INSIG1: variants seen among roughly 807,000 people sequenced by gnomAD.
INSIG1 encodes insulin-induced gene 1 protein.
INSIG1 carries 14 observed loss-of-function variants against 26.5 expected under a neutral mutation model. The ratio of observed to expected loss-of-function variants is 0.53; its 90% CI spans 0.35 to 0.83. INSIG1 has a LOEUF of 0.83. Among genes scored for constraint, INSIG1 ranks in the 40% least tolerant of loss-of-function variants. INSIG1 has a pLI of 0.01. For synonymous variants in INSIG1, 147 were observed against 153.3 expected, an observed-to-expected ratio of 0.96 and a Z score of 0.30; for missense variants, 272 against 368.9, an observed-to-expected ratio of 0.74 and a Z score of 2.15.
intron 5 of INSIG1, chr7:155,303,102 C>G (rs1356427981): frequency 2.9e-6 from 1 of 347,808 alleles, no homozygotes; most frequent in Admixed American, 4.0e-5. Context: ...CAGATGTGGT[C>G]AGTGTTCTGA....
In INSIG1 at chr7:155,302,126, T is replaced by C. The variant is rs976156261; in HGVS notation, c.538-125T>C. 6 of 686,582 alleles carry C rather than the reference T, an allele frequency of 8.7e-6. No homozygotes were observed. In the African/African-American group the frequency reaches 1.1e-4, roughly 13 times the overall value. The allele number at this position is 686,582 out of a possible 1,614,324, so 42.5% of individuals were successfully genotyped here. A position where few individuals can be genotyped will look rare whatever the true frequency, so the allele number is the denominator to read the frequency against. On this transcript the variant is annotated intron_variant, in intron 3 of 5. Coordinates refer to ENST00000340368, the MANE Select transcript of INSIG1 (RefSeq NM_005542.6). The surrounding 1 kb of genome is among the most constrained non-coding windows in gnomAD (Gnocchi z 4.3). Reference sequence around the variant, plus strand: ...ATCCTTTCTTTAGCTTATTACACAGTTTTTATGGACAGTGAATTATCTGTG... The same window carrying C: ...ATCCTTTCTTTAGCTTATTACACAGCTTTTATGGACAGTGAATTATCTGTG...
At chr7:155,298,827 T>C in intron 2 of INSIG1, 130 bp downstream of exon 2, 1 of 993,240 alleles carries the variant, frequency 1.0e-6, no homozygotes. Flanking sequence ...ATCTCCAGTC[T>C]TGGGATTTAG....
rs373395354 is a variant in INSIG1, at chr7:155,298,322, T to A, written c.37T>A (p.Cys13Ser). The change falls in exon 2 of 6, where the codon TGT becomes AGT. Residue 13 changes from cysteine (C) to serine (S), a missense_variant. Cys to Ser is a moderately radical substitution (Grantham distance 112). This residue lies in a region of INSIG1 where 161 missense variants were observed against 179.2 expected (regional missense o/e 0.90). Transcript: ENST00000340368. ...RLHDHFWSCSCAHSARRRGPP... is the reference protein window; with the variant it reads ...RLHDHFWSCSSAHSARRRGPP... Reference sequence around the variant, plus strand: ...GCACGACCACTTCTGGAGCTGCTCCTGTGCGCACAGCGCGAGGCGCCGAGG... The same window carrying A: ...GCACGACCACTTCTGGAGCTGCTCCAGTGCGCACAGCGCGAGGCGCCGAGG... The A allele has an allele frequency of 2.5e-5, 38 of 1,511,306 alleles. No homozygotes were observed. Among genetic ancestry groups the A allele is most frequent in the Non-Finnish European group, 3.2e-5 (36 of 1,138,626 alleles). 93.6% of individuals were successfully genotyped at this position (1,511,306 alleles called of 1,614,324 possible). A position where few individuals can be genotyped will look rare whatever the true frequency, so the allele number is the denominator to read the frequency against.
chr7:155,298,411 G>T lies in INSIG1; in HGVS notation c.126G>T (p.Val42=), dbSNP rs1448412739. The change falls in exon 2 of 6, where the codon GTG becomes GTT. Residue 42 remains valine (V), a synonymous_variant. Coordinates refer to ENST00000340368, the MANE Select transcript of INSIG1 (RefSeq NM_005542.6). ...TTGGGGAGATGATCAACGTTTCCGT[G>T]TCCGGGCCCTCCCTGCTGGCGGCCC... The part of the protein sequence containing the change: ...AKVGEMINVS[V]SGPSLLAAHG... 11 of 1,559,758 alleles carry T rather than the reference G, an allele frequency of 7.1e-6. No individual in the cohort carries two copies. Among genetic ancestry groups the T allele is most frequent in the Non-Finnish European group, 9.5e-6 (11 of 1,153,090 alleles).
intron 5 of INSIG1, among the ~76,000 whole-genome samples, chr7:155,307,766 T>C (rs1797974445): frequency 1.3e-5 from 2 of 152,230 alleles, no homozygotes; most frequent in South Asian, 4.1e-4. Flanking sequence ...CATCAGATAC[T>C]AATAAAGGTT....
chr7:155,303,351 G>C (rs1797841866), intron 5 of INSIG1, among the ~76,000 whole-genome samples: 1 of 152,248 alleles, frequency 6.6e-6, no homozygotes, highest in Admixed American at 6.5e-5. Flanking sequence ...GGCCAGGGCA[G>C]GGACTAATGT....
In INSIG1 at chr7:155,308,892, C is replaced by T. The variant is rs1298029808; in HGVS notation, c.*622C>T. 1 of 152,708 alleles carries T rather than the reference C, an allele frequency of 6.5e-6. No homozygotes were observed. The highest frequency in any genetic ancestry group is 1.5e-5 in the Non-Finnish European group (1 of 68,080). The allele number at this position is 152,708 out of a possible 1,614,324, so 9.5% of individuals were successfully genotyped here. ...CGTGTGTGTATCACCAGTGGGTCAA[C>T]TGCTTGTCATTCCTCCCGTGGCAGT... is the stretch of plus-strand genomic sequence containing the variant. On this transcript the variant is annotated 3_prime_UTR_variant, in exon 6 of 6. Coordinates refer to ENST00000340368, the MANE Select transcript of INSIG1 (RefSeq NM_005542.6).
At chr7:155,300,670 A>G (rs1388225259) in intron 2 of INSIG1, among the ~76,000 whole-genome samples, 1 of 152,120 alleles carries the variant, frequency 6.6e-6, no homozygotes, top group Non-Finnish European at 1.5e-5. Flanking sequence ...TTGGAATGCC[A>G]TTCCTTCCCA....
chr7:155,308,082 C>G (rs146574081), intron 5 of INSIG1, among the ~76,000 whole-genome samples, 159 bp from the exon 6 acceptor site: 148 of 152,288 alleles, frequency 9.7e-4, no homozygotes, highest in African/African-American at 3.5e-3. Flanking sequence ...TGGCCTCGGT[C>G]TCCAGTTCTC....
Position 155,298,533 on chromosome 7 carries a change from G to A in INSIG1, c.248G>A (p.Arg83His), listed in dbSNP as rs755231844. ...CCCTACCCCAACACCTGGCATCATC[G>A]CCTGTTGCAGAGGAGCCTCGTGCTC... is the stretch of plus-strand genomic sequence containing the variant. The part of the protein sequence containing the change: ...GSPYPNTWHH[R>H]LLQRSLVLFS... The change falls in exon 2 of 6, where the codon CGC (arginine) becomes CAC (histidine). Residue 83 changes from arginine (R) to histidine (H), a missense_variant. By Grantham distance (29) the Arg-to-His change is conservative (BLOSUM62 0). Around this residue, in one of 2 missense-constraint regions of INSIG1, gnomAD observed 161 missense variants for 179.2 expected, o/e 0.90. Coordinates refer to ENST00000340368, the MANE Select transcript of INSIG1 (RefSeq NM_005542.6). 21 of 1,601,300 alleles carry A rather than the reference G, an allele frequency of 1.3e-5. No individual in the cohort carries two copies. The highest frequency in any genetic ancestry group is 1.6e-5 in the Non-Finnish European group (19 of 1,174,004).
At chr7:155,301,803 G>A in intron 3 of INSIG1, 113 bp downstream of exon 3, 1 of 982,528 alleles carries the variant, frequency 1.0e-6, no homozygotes, top group Non-Finnish European at 1.4e-6. Flanking sequence ...ACATGATGGT[G>A]GTACCTACCC....
At chr7:155,298,866 G>T (rs896165801) in intron 2 of INSIG1, among the ~76,000 whole-genome samples, 169 bp downstream of exon 2, 1 of 152,256 alleles carries the variant, frequency 6.6e-6, no homozygotes, top group Non-Finnish European at 1.5e-5. Flanking sequence ...GAGAGGACCT[G>T]GCACCCCCGA....
intron 5 of INSIG1, among the ~76,000 whole-genome samples, chr7:155,306,192 G>A (rs754279050): frequency 2.0e-5 from 3 of 152,152 alleles, no homozygotes; most frequent in Non-Finnish European, 2.9e-5. Context: ...TAGAGACGGG[G>A]TTTCGCCACG....
Position 155,308,613 on chromosome 7 carries a change from A to C in INSIG1, c.*343A>C, listed in dbSNP as rs571920135. 119 of 261,760 alleles carry C rather than the reference A, an allele frequency of 4.5e-4. No homozygotes were observed. Among genetic ancestry groups the C allele is most frequent in the African/African-American group, 2.2e-3 (105 of 46,820 alleles). 16.2% of individuals were successfully genotyped at this position (261,760 alleles called of 1,614,324 possible). ...ATTTCAAAGCCTTGAACTAAGACTC[A>C]ATTACCAACCCGCAGTTTTGTGTCA... On this transcript the variant is annotated 3_prime_UTR_variant, in exon 6 of 6. Coordinates refer to ENST00000340368, the MANE Select transcript of INSIG1 (RefSeq NM_005542.6).
At chr7:155,301,741 T>C (rs1413530296) in intron 3 of INSIG1, 51 bp downstream of exon 3, 4 of 1,443,300 alleles carry the variant, frequency 2.8e-6, no homozygotes, top group Non-Finnish European at 3.7e-6. Flanking sequence ...AGGTTATATA[T>C]TGAAGCGTTT....
At chr7:155,300,200 C>T (rs1025459290) in intron 2 of INSIG1, among the ~76,000 whole-genome samples, 2 of 152,032 alleles carry the variant, frequency 1.3e-5, no homozygotes, top group Admixed American at 6.6e-5. Context: ...AATAGTTTAG[C>T]CTTCAGTATT....
At position 155,309,507 on chromosome 7, in the gene INSIG1, T is replaced by C. The variant is rs1359522626; in HGVS notation, c.*1237T>C. On this transcript the variant is annotated 3_prime_UTR_variant, in exon 6 of 6. Transcript: ENST00000340368. ...AAATACTCCAGTTTTGTGGGTTTGGTCATTTTTACTTATAAATTTACCTTT... is the reference window on the plus strand; with the variant it reads ...AAATACTCCAGTTTTGTGGGTTTGGCCATTTTTACTTATAAATTTACCTTT... The C allele has an allele frequency of 6.6e-6, 1 of 152,572 alleles. No homozygotes were observed. The highest frequency in any genetic ancestry group is 1.5e-5 in the Non-Finnish European group (1 of 68,038). The allele number at this position is 152,572 out of a possible 1,614,324, so 9.5% of individuals were successfully genotyped here. A position where few individuals can be genotyped will look rare whatever the true frequency, so the allele number is the denominator to read the frequency against.
At position 155,298,512 on chromosome 7, in the gene INSIG1, A is replaced by G. The variant is rs764160755; in HGVS notation, c.227A>G (p.Tyr76Cys). The change falls in exon 2 of 6, where the codon TAC becomes TGC. Residue 76 changes from tyrosine (Y) to cysteine (C), a missense_variant. Transcript: ENST00000340368. ...AGCGGCCCCGAGCCCGGCAGCCCCT[A>G]CCCCAACACCTGGCATCATCGCCTG... ...AMSGPEPGSP[Y>C]PNTWHHRLLQ... The G allele has an allele frequency of 8.2e-6, 13 of 1,588,276 alleles. No individual in the cohort carries two copies. The Admixed American group carries it at 2.3e-4, about 28-fold the overall frequency.
chr7:155,298,080 C>G (rs1025796212), intron 1 of INSIG1, 121 bp downstream of exon 1: 4 of 438,028 alleles, frequency 9.1e-6, no homozygotes, highest in South Asian at 7.9e-5. Context: ...CCGCTGGGGC[C>G]GGGGATGCTG....
Sources: gnomAD v4.1 joint callset for allele counts (sites outside exome capture counted in the v4.1 genomes callset) on GRCh38, gnomAD v4.1.1 for gene constraint, gnomAD v4.1.1 regional missense constraint, Gnocchi (gnomAD v3.1) non-coding constraint, MANE v1.5 for transcripts, NCBI Gene and HGNC (gene_info 2026-07-23, HGNC 2026-07-21) for gene names.